WDR41: variants seen among roughly 807,000 people sequenced by gnomAD.
WDR41 encodes the protein WD repeat-containing protein 41.
WDR41 carries 63 observed loss-of-function variants against 69.3 expected under a neutral mutation model. That is an observed-to-expected ratio of 0.91 (90% confidence interval 0.74 to 1.12). WDR41 has a LOEUF of 1.12. Ranked by LOEUF, WDR41 falls within the 50% of genes most tolerant of loss-of-function variation. The pLI, the probability that WDR41 is intolerant of heterozygous loss-of-function variation, is 0.00. For synonymous variants in WDR41, 185 were observed against 192.1 expected, an observed-to-expected ratio of 0.96 and a Z score of 0.31; for missense variants, 543 against 534.5, an observed-to-expected ratio of 1.02 and a Z score of -0.16.
At chr5:77,587,943 A>T (rs930382050) in intron 1 of WDR41, among the ~76,000 whole-genome samples, 4 of 152,136 alleles carry the variant, frequency 2.6e-5, no homozygotes, top group African/African-American at 9.7e-5. Flanking sequence ...TACCAATAGG[A>T]TCTTGAACTT....
rs1743970278 is a variant in WDR41 at position 77,583,035 on chromosome 5, G to A, written c.42+37444C>T. ...AATTGTCTTCTCCACGAGGTGGAAT[G>A]AAGAAAAAGACCACCCATTTTGTAG... On this transcript the variant is annotated intron_variant, in intron 1 of 5. Transcript: ENST00000509971. The A allele has an allele frequency of 3.1e-6, 5 of 1,597,768 alleles. No homozygotes were observed. In the South Asian group the frequency reaches 5.5e-5, roughly 18 times the overall value.
At chr5:77,547,539 A>C (rs554315583) in intron 1 of WDR41, among the ~76,000 whole-genome samples, 3 of 151,844 alleles carry the variant, frequency 2.0e-5, no homozygotes, top group Non-Finnish European at 4.4e-5. Context: ...AAAAAAAAAA[A>C]CAAACAAAAA....
At chr5:77,484,216 C>T (rs984281318) in intron 2 of WDR41, among the ~76,000 whole-genome samples, 3 of 152,142 alleles carry the variant, frequency 2.0e-5, no homozygotes, top group Non-Finnish European at 4.4e-5. Context: ...TCCAACTAAA[C>T]AAAACTCAGC....
chr5:77,451,086 A>G (rs1799610533), intron 7 of WDR41, among the ~76,000 whole-genome samples: 1 of 152,182 alleles, frequency 6.6e-6, no homozygotes, highest in African/African-American at 2.4e-5. Context: ...AACCAAGCTA[A>G]CATACTGATT....
At chr5:77,453,689 G>T in intron 6 of WDR41, 128 bp downstream of exon 6, 1 of 679,146 alleles carries the variant, frequency 1.5e-6, no homozygotes, top group Non-Finnish European at 2.5e-6. Context: ...ATGGCTACCT[G>T]TTATCTTCAG....
At chr5:77,504,929 G>T (rs546395207) in intron 1 of WDR41, among the ~76,000 whole-genome samples, 1 of 152,258 alleles carries the variant, frequency 6.6e-6, no homozygotes, top group African/African-American at 2.4e-5. Context: ...TACTGAATGG[G>T]CAAAAACTGG....
At chr5:77,509,849 A>G (rs1450709406) in intron 1 of WDR41, among the ~76,000 whole-genome samples, 2 of 152,232 alleles carry the variant, frequency 1.3e-5, no homozygotes, top group African/African-American at 4.8e-5. Flanking sequence ...TATGTGATTT[A>G]TATCTCAACA....
At chr5:77,463,357 A>T in intron 3 of WDR41, 131 bp from the exon 4 acceptor site, 1 of 763,076 alleles carries the variant, frequency 1.3e-6, no homozygotes, top group Non-Finnish European at 1.9e-6. Context: ...TTCAGAATTT[A>T]ACTTAAGCAA....
intron 1 of WDR41, among the ~76,000 whole-genome samples, chr5:77,609,089 G>GC (rs1744487448): frequency 6.6e-6 from 1 of 152,202 alleles, no homozygotes; most frequent in South Asian, 2.1e-4. Flanking sequence ...CAAGGCAGCA[G>GC]CGAGGCTGGG....
At chr5:77,434,862 AT>A (rs1798878800) in intron 12 of WDR41, among the ~76,000 whole-genome samples, 1 of 152,146 alleles carries the variant, frequency 6.6e-6, no homozygotes, top group African/African-American at 2.4e-5. Context: ...AATGTGCCAC[AT>A]TCAAACACAT....
At chr5:77,607,099 T>C (rs535255881) in intron 1 of WDR41, among the ~76,000 whole-genome samples, 1 of 151,972 alleles carries the variant, frequency 6.6e-6, no homozygotes, top group South Asian at 2.1e-4. Context: ...CTCAGGAGGA[T>C]GAGCAAAAAA....
chr5:77,597,076 T>C (rs554066979), intron 1 of WDR41, among the ~76,000 whole-genome samples: 1 of 151,918 alleles, frequency 6.6e-6, no homozygotes, highest in African/African-American at 2.4e-5. Context: ...TGAGCCATGA[T>C]TGTGCCACTG....
intron 1 of WDR41, among the ~76,000 whole-genome samples, chr5:77,610,620 C>T (rs559729065): frequency 6.6e-6 from 1 of 152,086 alleles, no homozygotes; most frequent in African/African-American, 2.4e-5. Context: ...GATTTTGTCA[C>T]CACCAGGCCT....
intron 2 of WDR41, among the ~76,000 whole-genome samples, chr5:77,466,038 T>C (rs1800291525): frequency 6.6e-6 from 1 of 151,988 alleles, no homozygotes; most frequent in East Asian, 1.9e-4. Flanking sequence ...GAACCAAGAT[T>C]ATTCAGGAGA....
intron 8 of WDR41, among the ~76,000 whole-genome samples, chr5:77,448,802 A>ACTG (rs938339767): frequency 8.5e-5 from 13 of 152,098 alleles, no homozygotes; most frequent in African/African-American, 2.9e-4. Context: ...CGGGGGGCAG[A>ACTG]GGTTGCAGTG....
chr5:77,462,551 T>A (rs1277015753), intron 4 of WDR41, among the ~76,000 whole-genome samples: 1 of 152,164 alleles, frequency 6.6e-6, no homozygotes, highest in Non-Finnish European at 1.5e-5. Context: ...TCTTAACTTT[T>A]TACCTAAAAG....
intron 8 of WDR41, 140 bp from the exon 9 acceptor site, chr5:77,441,137 TTAATG>T (rs1472015326): frequency 1.9e-5 from 15 of 787,772 alleles, no homozygotes; most frequent in Admixed American, 1.7e-4. Flanking sequence ...AACAGAAAGA[TTAATG>T]TAACAGAATA....
chr5:77,504,679 A>G (rs1183960434), intron 1 of WDR41, among the ~76,000 whole-genome samples: 1 of 152,200 alleles, frequency 6.6e-6, no homozygotes, highest in Non-Finnish European at 1.5e-5. Context: ...ATCCACCACA[A>G]TCAAGTCAGC....
At chr5:77,580,950 C>T (rs1047872232) in intron 1 of WDR41, among the ~76,000 whole-genome samples, 7 of 150,844 alleles carry the variant, frequency 4.6e-5, no homozygotes, top group Admixed American at 1.3e-4. Flanking sequence ...AGCAAGACTC[C>T]GTCTCAAAAA....
Sources: gnomAD v4.1 joint callset for allele counts (sites outside exome capture counted in the v4.1 genomes callset) on GRCh38, gnomAD v4.1.1 for gene constraint, MANE v1.5 for transcripts, NCBI Gene and HGNC (gene_info 2026-07-23, HGNC 2026-07-21) for gene names.